Variants in NUP155 observed in about 807,000 individuals in gnomAD.
NUP155 encodes the protein nucleoporin 155.
In NUP155, 71 loss-of-function variants were observed where a neutral mutation model predicts 180.4. That is an observed-to-expected ratio of 0.39 (90% CI 0.33 to 0.48). The LOEUF is 0.48. Ranked by LOEUF, NUP155 falls within the 20% of genes least tolerant of loss-of-function variation. The pLI is 0.91. For missense variants in NUP155, 1,553 were observed against 1,648.9 expected, an observed-to-expected ratio of 0.94 and a Z score of 1.01; for synonymous variants, 582 against 559.5, an observed-to-expected ratio of 1.04 and a Z score of -0.57.
rs140531508 is a variant in NUP155 at position 37,356,440 on chromosome 5, C to T, written c.463+1641G>A. On this transcript the variant is annotated intron_variant, in intron 4 of 34. Coordinates refer to ENST00000231498, the MANE Select transcript of NUP155 (RefSeq NM_153485.3). Reference sequence around the variant, plus strand: ...GGAGGATCACCTGAGGTCAGGAGTTCGAAACCAGCATGGCCAACATGGCGA... The same window carrying T: ...GGAGGATCACCTGAGGTCAGGAGTTTGAAACCAGCATGGCCAACATGGCGA... 4.6e-3 allele frequency among the ~76,000 whole-genome samples: 698 copies of T among 151,904 alleles called. 2 individuals carry two copies. The highest frequency in any genetic ancestry group is 4.7e-3 in the African/African-American group (196 of 41,454).
At chr5:37,336,261 G>A (rs532378261) in intron 12 of NUP155, among the ~76,000 whole-genome samples, 4 of 152,168 alleles carry the variant, frequency 2.6e-5, no homozygotes, top group East Asian at 3.9e-4. Flanking sequence ...TGGGAGGATC[G>A]CTTGAGCCCA....
In NUP155 at chr5:37,341,156, G is replaced by A; in HGVS notation, c.1180C>T (p.Pro394Ser). 1 of 1,613,914 alleles carries A rather than the reference G, an allele frequency of 6.2e-7. No homozygotes were observed. Among genetic ancestry groups the A allele is most frequent in the Non-Finnish European group, 8.5e-7 (1 of 1,179,810 alleles). ...TLTLVHVRLPPGFSASSTVEK... is the reference protein window; with the variant it reads ...TLTLVHVRLPSGFSASSTVEK... ...ACGGTTGAAGATGCTGAGAATCCAGGAGGTAAGCGGACATGAACCAGCGTC... is the reference window on the plus strand; with the variant it reads ...ACGGTTGAAGATGCTGAGAATCCAGAAGGTAAGCGGACATGAACCAGCGTC... The change falls in exon 11 of 35, where the codon CCT becomes TCT. Residue 394 changes from proline (P) to serine (S), a missense_variant. Physicochemically the swap from Pro to Ser is moderately conservative, Grantham distance 74. Coordinates refer to ENST00000231498, the MANE Select transcript of NUP155 (RefSeq NM_153485.3).
chr5:37,311,408 A>G (rs1048312364), intron 22 of NUP155, among the ~76,000 whole-genome samples: 6 of 152,194 alleles, frequency 3.9e-5, no homozygotes, highest in African/African-American at 1.2e-4. Flanking sequence ...TTATCACTCT[A>G]TAAAACTCAA....
intron 9 of NUP155, 24 bp from the exon 10 acceptor site, chr5:37,342,670 T>A: frequency 7.1e-7 from 1 of 1,413,942 alleles, no homozygotes; most frequent in Middle Eastern, 1.9e-4. Context: ...GAAAATAAAG[T>A]GTATTTTTAA....
intron 1 of NUP155, 85 bp from the exon 2 acceptor site, chr5:37,364,469 TTG>T: frequency 8.3e-7 from 1 of 1,207,302 alleles, no homozygotes; most frequent in South Asian, 1.2e-5. Flanking sequence ...AAAAAAATTG[TTG>T]TGTGTTGGTT....
rs1235992575 is a variant in NUP155, at chr5:37,292,953, C to G, written c.3963G>C (p.Leu1321=). The change falls in exon 34 of 35, where the codon CTG becomes CTC. Residue 1321 remains leucine, a synonymous_variant. Transcript: ENST00000231498. ...ATACATGTATACAATCCAAAAGGTG[C>G]AGTGGCTTCTTCATTCTGTTCCAGA... ...DPFWNRMKKP[L]HLLDCIHVLL... 2 of 1,612,126 alleles carry G rather than the reference C, an allele frequency of 1.2e-6. No homozygotes were observed. The highest frequency in any genetic ancestry group is 1.7e-6 in the Non-Finnish European group (2 of 1,178,556).
intron 31 of NUP155, 33 bp downstream of exon 31, chr5:37,299,415 C>T (rs1279221836): frequency 2.0e-5 from 32 of 1,612,244 alleles, no homozygotes; most frequent in East Asian, 4.5e-5. Flanking sequence ...CACTACATAA[C>T]GTATGCTAAC....
chr5:37,345,937 T>C (rs1253134611), intron 9 of NUP155, among the ~76,000 whole-genome samples: 2 of 151,144 alleles, frequency 1.3e-5, no homozygotes, highest in Admixed American at 6.6e-5. Flanking sequence ...AGTGTATTAG[T>C]TTTTGTCACA....
chr5:37,338,317 C>CAAAA (rs530524699), intron 11 of NUP155, among the ~76,000 whole-genome samples: 2 of 65,062 alleles, frequency 3.1e-5, no homozygotes, highest in Non-Finnish European at 7.4e-5. Flanking sequence ...GATTCCGTCT[C>CAAAA]AAAAAAAAAA....
chr5:37,295,887 C>T (rs1246121185), intron 32 of NUP155, among the ~76,000 whole-genome samples: 1 of 148,620 alleles, frequency 6.7e-6, no homozygotes, highest in African/African-American at 2.5e-5. Context: ...GGGGGGTCAG[C>T]CCCCCGCCTG....
Position 37,354,791 on chromosome 5 carries a change from T to C in NUP155, c.464-1962A>G, listed in dbSNP as rs576331311. Among the ~76,000 whole-genome samples, 540 of 151,704 alleles carry C rather than the reference T, an allele frequency of 3.6e-3. 4 individuals carry two copies. The highest frequency in any genetic ancestry group is 4.0e-3 in the Non-Finnish European group (273 of 67,840). Reference sequence around the variant, plus strand: ...ATTTTCAATGCAAGTAAATAAATAGTGTATAAAATGTCGGTTTGGGCTGGG... The same window carrying C: ...ATTTTCAATGCAAGTAAATAAATAGCGTATAAAATGTCGGTTTGGGCTGGG... On this transcript the variant is annotated intron_variant, in intron 4 of 34. Transcript: ENST00000231498.
intron 25 of NUP155, among the ~76,000 whole-genome samples, chr5:37,306,433 A>G (rs1233267294): frequency 6.6e-6 from 1 of 151,836 alleles, no homozygotes; most frequent in Non-Finnish European, 1.5e-5. Flanking sequence ...ACAAAACAAA[A>G]CACCCTCCAT....
intron 9 of NUP155, among the ~76,000 whole-genome samples, chr5:37,343,369 C>A (rs1263177054): frequency 1.3e-5 from 2 of 152,156 alleles, no homozygotes; most frequent in East Asian, 3.9e-4. Flanking sequence ...CCACTGCTCC[C>A]AGCCTTATAT....
At position 37,307,395 on chromosome 5, in the gene NUP155, C is replaced by T. The variant is rs1179511985; in HGVS notation, c.2805G>A (p.Thr935=). The T allele has an allele frequency of 1.2e-6, 2 of 1,613,752 alleles. No individual in the cohort carries two copies. Among genetic ancestry groups the T allele is most frequent in the Non-Finnish European group, 1.7e-6 (2 of 1,179,888 alleles). ...FYEGVVELSL[T]AAEKKDPQGL... ...CTTGAGGATCTTTTTTCTCTGCAGC[C>T]GTAAGAGAAAGTTCCACCACACCCT... Residue 935 remains threonine, a synonymous_variant, in exon 25 of 35, where the codon ACG becomes ACA. Transcript: ENST00000231498.
chr5:37,365,740 T>TAA (rs1561818779), intron 1 of NUP155, among the ~76,000 whole-genome samples: 2 of 33,062 alleles, frequency 6.0e-5, no homozygotes, highest in Admixed American at 5.2e-4. Flanking sequence ...AAAAAAAAAA[T>TAA]ATATATATAT....
chr5:37,364,533 G>A (rs935294775), intron 1 of NUP155, 149 bp from the exon 2 acceptor site: 1 of 714,362 alleles, frequency 1.4e-6, no homozygotes, highest in African/African-American at 1.8e-5. Flanking sequence ...AAGTAGTCCT[G>A]AAATATTCCC....
At chr5:37,315,934 C>G (rs2150953499) in intron 21 of NUP155, among the ~76,000 whole-genome samples, 1 of 152,248 alleles carries the variant, frequency 6.6e-6, no homozygotes, top group African/African-American at 2.4e-5. Context: ...GAGTGAAACT[C>G]CGTCTCAAAA....
intron 14 of NUP155, among the ~76,000 whole-genome samples, chr5:37,330,914 C>T (rs372694154): frequency 6.6e-6 from 1 of 152,040 alleles, no homozygotes; most frequent in East Asian, 1.9e-4. Flanking sequence ...CTTTGGCAGG[C>T]CGAGGCGGGT....
intron 5 of NUP155, among the ~76,000 whole-genome samples, chr5:37,352,478 C>A (rs1363396878): frequency 6.6e-6 from 1 of 152,050 alleles, no homozygotes; most frequent in Admixed American, 6.6e-5. Flanking sequence ...GCAGAGGATG[C>A]GGTAAGCCAA....
Sources: gnomAD v4.1 joint callset for allele counts (sites outside exome capture counted in the v4.1 genomes callset) on GRCh38, gnomAD v4.1.1 for gene constraint, MANE v1.5 for transcripts, NCBI Gene and HGNC (gene_info 2026-07-23, HGNC 2026-07-21) for gene names.